DPH6: variants seen among roughly 807,000 people sequenced by gnomAD.
DPH6 encodes diphthine--ammonia ligase.
DPH6 carries 33 observed loss-of-function variants against 38.2 expected under a neutral mutation model. That is an observed-to-expected ratio of 0.86 (90% CI 0.65 to 1.15). The LOEUF (loss-of-function observed/expected upper bound fraction) is 1.15. Ranked by LOEUF, DPH6 falls within the 50% of genes most tolerant of loss-of-function variation. The probability of loss-of-function intolerance (pLI) is 0.00; values close to 1 mark genes in which losing one functional copy is unlikely to be tolerated. For synonymous variants in DPH6, 108 were observed against 103.0 expected (o/e 1.05, Z -0.30); for missense variants, 325 against 320.0 (o/e 1.02, Z -0.12).
intron 3 of DPH6, among the ~76,000 whole-genome samples, chr15:35,365,150 C>A (rs987620589): frequency 6.6e-6 from 1 of 151,996 alleles, no homozygotes; most frequent in Non-Finnish European, 1.5e-5. Flanking sequence ...TGACCCTCAA[C>A]CTGGGCTTAA....
intron 5 of DPH6, among the ~76,000 whole-genome samples, chr15:35,431,166 G>A (rs572724614): frequency 6.6e-6 from 1 of 152,050 alleles, no homozygotes; most frequent in Non-Finnish European, 1.5e-5. Flanking sequence ...AGCGGCAAAC[G>A]AAGGATATGA....
chr15:35,347,450 C>G (rs1277094035), intron 3 of DPH6, among the ~76,000 whole-genome samples: 2 of 150,732 alleles, frequency 1.3e-5, no homozygotes, highest in Non-Finnish European at 3.0e-5. Flanking sequence ...CCACACCCAG[C>G]CTCCTCCTTT....
chr15:35,250,590 A>G (rs1283302819), intron 3 of DPH6, among the ~76,000 whole-genome samples: 1 of 152,214 alleles, frequency 6.6e-6, no homozygotes, highest in Non-Finnish European at 1.5e-5. Flanking sequence ...AATTTCTATT[A>G]TCAGAATAAA....
At chr15:35,337,123 A>T (rs1282023918) in intron 3 of DPH6, among the ~76,000 whole-genome samples, 1 of 152,018 alleles carries the variant, frequency 6.6e-6, no homozygotes, top group Admixed American at 6.6e-5. Flanking sequence ...ACAATTTCAG[A>T]TCCTGTTATT....
intron 3 of DPH6, chr15:35,521,807 C>T (rs1035602243): frequency 8.0e-7 from 1 of 1,247,514 alleles, no homozygotes; most frequent in African/African-American, 1.5e-5. Flanking sequence ...TACTTAACTA[C>T]ATTGGATAAT....
At chr15:35,323,068 GA>G (rs1177829742) in intron 3 of DPH6, among the ~76,000 whole-genome samples, 9 of 152,024 alleles carry the variant, frequency 5.9e-5, no homozygotes, top group African/African-American at 2.2e-4. Context: ...AAGAATAAAA[GA>G]AAAAATGAAG....
At chr15:35,520,191 A>G in intron 3 of DPH6, 1 of 545,928 alleles carries the variant, frequency 1.8e-6, no homozygotes, top group Non-Finnish European at 2.3e-6. Context: ...CTACAGATCA[A>G]TCACTCTCAC....
At chr15:35,522,195 C>G (rs750966198) in intron 3 of DPH6, 1 of 1,613,398 alleles carries the variant, frequency 6.2e-7, no homozygotes, top group South Asian at 1.1e-5. Flanking sequence ...AAACAATCGC[C>G]TGGCTGCCCA....
intron 3 of DPH6, among the ~76,000 whole-genome samples, chr15:35,480,435 T>C (rs1377279716): frequency 6.6e-6 from 1 of 152,096 alleles, no homozygotes; most frequent in Non-Finnish European, 1.5e-5. Context: ...TAAACTAATG[T>C]TAGCTCTCAT....
chr15:35,446,320 TC>T (rs2053852804), intron 5 of DPH6, among the ~76,000 whole-genome samples: 1 of 149,256 alleles, frequency 6.7e-6, no homozygotes, highest in African/African-American at 2.5e-5. Context: ...GGCCTTGACT[TC>T]CCAGGCTCAA....
At chr15:35,410,922 A>G in intron 5 of DPH6, 26 bp from the exon 6 acceptor site, 1 of 1,594,548 alleles carries the variant, frequency 6.3e-7, no homozygotes. Flanking sequence ...ACATTTTTTA[A>G]AGATAACTAT....
chr15:35,511,109 C>A (rs1171696306), intron 3 of DPH6, among the ~76,000 whole-genome samples: 1 of 152,098 alleles, frequency 6.6e-6, no homozygotes, highest in African/African-American at 2.4e-5. Context: ...CCATCCAGAC[C>A]AACTATATCA....
intron 3 of DPH6, chr15:35,520,714 G>A: frequency 2.0e-6 from 2 of 984,832 alleles, no homozygotes; most frequent in Non-Finnish European, 2.4e-6. Context: ...ATGGACATTA[G>A]CTGTGAGAAT....
In DPH6 at chr15:35,283,757, T is replaced by TACACAC. The variant is rs3028682; in HGVS notation, n.201-63181_201-63176dup. On this transcript the variant is annotated intron_variant and non_coding_transcript_variant, in intron 3 of 3. Coordinates refer to the DPH6 transcript ENST00000560386. ...TACTTTTTTCATTGGGCACAGATAG[T>TACACAC]ACACACACACACACACACACACACA... is the stretch of plus-strand genomic sequence containing the variant. 7.6e-3 allele frequency among the ~76,000 whole-genome samples: 1,072 copies of TACACAC among 140,570 alleles called. 5 individuals are homozygous for TACACAC. Among genetic ancestry groups the TACACAC allele is most frequent in the East Asian group, 0.023 (107 of 4,712 alleles). 92.2% of individuals were successfully genotyped at this position (140,570 alleles called of 152,430 possible).
At chr15:35,472,250 AG>A (rs1224171868) in intron 3 of DPH6, among the ~76,000 whole-genome samples, 1 of 152,196 alleles carries the variant, frequency 6.6e-6, no homozygotes, top group Non-Finnish European at 1.5e-5. Flanking sequence ...GAAACCAAAG[AG>A]GGACAGTGAA....
rs140476046 is a variant in DPH6 at position 35,236,971 on chromosome 15, T to C, written n.201-16389A>G. Among the ~76,000 whole-genome samples, 535 of 152,346 alleles carry C rather than the reference T, an allele frequency of 3.5e-3. 1 individual carries two copies. The highest frequency in any genetic ancestry group is 0.012 in the African/African-American group (511 of 41,586). On this transcript the variant is annotated intron_variant and non_coding_transcript_variant, in intron 3 of 3. Coordinates refer to the DPH6 transcript ENST00000560386. ...TTTTGTTCCTAGTTGATAAAGTCGATAGATAAGTGGCTCATCTCCATTACA... is the reference window on the plus strand; with the variant it reads ...TTTTGTTCCTAGTTGATAAAGTCGACAGATAAGTGGCTCATCTCCATTACA...
At chr15:35,370,647 C>T (rs1382404060), downstream of DPH6, among the ~76,000 whole-genome samples, 5 of 151,618 alleles carry the variant, frequency 3.3e-5, no homozygotes, top group East Asian at 3.9e-4. Context: ...ACACTTCAGA[C>T]CTACCAGAAT....
At chr15:35,162,378 A>T in the DPH6 span, among the ~76,000 whole-genome samples, 1 of 151,884 alleles carries the variant, frequency 6.6e-6, no homozygotes. Context: ...CACTGTTTAT[A>T]TCTCCATCTT....
chr15:35,428,346 GA>G (rs1396248478), intron 5 of DPH6, among the ~76,000 whole-genome samples: 2 of 151,934 alleles, frequency 1.3e-5, no homozygotes, highest in Non-Finnish European at 2.9e-5. Flanking sequence ...ATATTGTTTT[GA>G]AATTATCTAA....
Sources: allele counts gnomAD v4.1 joint callset (sites outside exome capture counted in the v4.1 genomes callset), GRCh38; gene constraint gnomAD v4.1.1; transcripts MANE v1.5; gene names NCBI Gene and HGNC (gene_info 2026-07-23, HGNC 2026-07-21).